The following WDFY3 variants were observed in gnomAD, a reference collection of about 807,000 sequenced individuals.
WDFY3 encodes the protein WD repeat and FYVE domain containing 3.
Under a neutral mutation model 409.6 loss-of-function variants are expected in WDFY3, and 66 were observed. That is an observed-to-expected ratio of 0.16 (90% CI 0.13 to 0.20). WDFY3 has a LOEUF of 0.20. WDFY3 is among the 10% of genes least tolerant of loss of function. WDFY3 has a pLI of 1.00. For missense variants in WDFY3, 3,031 were observed against 4,298.1 expected (o/e 0.71, Z 8.24); for synonymous variants, 1,521 against 1,537.1 (o/e 0.99, Z 0.25).
At chr4:84,797,187 T>C (rs1316101070) in intron 18 of WDFY3, among the ~76,000 whole-genome samples, 6 of 152,170 alleles carry the variant, frequency 3.9e-5, no homozygotes, top group African/African-American at 1.4e-4. Flanking sequence ...TAAAACAAAT[T>C]AGAGATAAAT....
chr4:84,737,138 T>C (rs763400727), intron 41 of WDFY3, 46 bp downstream of exon 41: 8 of 1,606,682 alleles, frequency 5.0e-6, no homozygotes, highest in Middle Eastern at 1.7e-4. Flanking sequence ...CCATATATGA[T>C]AGCCACATGT....
intron 7 of WDFY3, among the ~76,000 whole-genome samples, chr4:84,831,876 T>C (rs1374781777): frequency 6.6e-6 from 1 of 152,166 alleles, no homozygotes; most frequent in Non-Finnish European, 1.5e-5. Context: ...GGAACTCCTA[T>C]ATACTGTTGG....
intron 2 of WDFY3, among the ~76,000 whole-genome samples, chr4:84,919,265 T>C (rs906732540): frequency 6.6e-5 from 10 of 151,958 alleles, no homozygotes; most frequent in African/African-American, 2.2e-4. Flanking sequence ...TATAGATAAA[T>C]AGAAGGGCTC....
chr4:84,680,079 C>T (rs1335991581), intron 64 of WDFY3, among the ~76,000 whole-genome samples: 5 of 151,732 alleles, frequency 3.3e-5, no homozygotes, highest in Non-Finnish European at 5.9e-5. Flanking sequence ...TTAGTAGAGA[C>T]GGGGTTTCAC....
chr4:84,736,102 G>T, intron 42 of WDFY3, 68 bp downstream of exon 42: 1 of 1,452,698 alleles, frequency 6.9e-7, no homozygotes, highest in Non-Finnish European at 9.2e-7. Context: ...CCAATCAATT[G>T]CTTGTACATG....
chr4:84,933,056 C>G (rs569398414), intron 1 of WDFY3, among the ~76,000 whole-genome samples: 129 of 152,212 alleles, frequency 8.5e-4, no homozygotes, highest in Admixed American at 1.8e-3. Flanking sequence ...TCCTAAAGTT[C>G]TTTAATTCAA....
At chr4:84,794,840 A>G (rs766424954) in intron 20 of WDFY3, 39 bp downstream of exon 20, 1 of 1,538,232 alleles carries the variant, frequency 6.5e-7, no homozygotes, top group Non-Finnish European at 8.7e-7. Flanking sequence ...ATAATCTACT[A>G]GAAAAAAAAC....
chr4:84,757,266 G>C lies in WDFY3; in HGVS notation c.5189-105C>G, dbSNP rs906406038. The stretch of plus-strand genomic sequence containing the variant: ...CAGTATGTGTTAACATTTCTATCCA[G>C]AACATTCATACTACTATAGGCAATT... On this transcript the variant is annotated intron_variant, in intron 32 of 67. Coordinates refer to ENST00000295888, the MANE Select transcript of WDFY3 (RefSeq NM_014991.6). 4 of 991,670 alleles carry C rather than the reference G, an allele frequency of 4.0e-6. No individual in the cohort carries two copies. In the African/African-American group the frequency reaches 4.8e-5, roughly 12 times the overall value. The allele number at this position is 991,670 out of a possible 1,614,324, so 61.4% of individuals were successfully genotyped here.
intron 63 of WDFY3, among the ~76,000 whole-genome samples, chr4:84,683,175 CGAG>C (rs1727691910): frequency 6.6e-6 from 1 of 152,088 alleles, no homozygotes; most frequent in Non-Finnish European, 1.5e-5. Flanking sequence ...ATACCACTGT[CGAG>C]GAAGCAGACT....
At chr4:84,781,338 T>G (rs1746470994) in intron 25 of WDFY3, among the ~76,000 whole-genome samples, 2 of 151,974 alleles carry the variant, frequency 1.3e-5, no homozygotes, top group Non-Finnish European at 2.9e-5. Context: ...ATGCATATTA[T>G]ATTTCTATGT....
chr4:84,736,416 C>T (rs1737438377), intron 41 of WDFY3, 89 bp from the exon 42 acceptor site: 1 of 1,236,616 alleles, frequency 8.1e-7, no homozygotes, highest in Non-Finnish European at 1.1e-6. Context: ...TAAACTACAA[C>T]CCTGTAGTTA....
chr4:84,761,752 A>T (rs1742640462), intron 32 of WDFY3, among the ~76,000 whole-genome samples: 1 of 152,276 alleles, frequency 6.6e-6, no homozygotes, highest in East Asian at 1.9e-4. Flanking sequence ...CAACGAACTC[A>T]AACAAATTTA....
chr4:84,853,937 G>A (rs879881478), intron 4 of WDFY3, among the ~76,000 whole-genome samples: 1 of 152,114 alleles, frequency 6.6e-6, no homozygotes, highest in African/African-American at 2.4e-5. Flanking sequence ...GAATACAAAG[G>A]TAAATAAAAC....
intron 3 of WDFY3, among the ~76,000 whole-genome samples, chr4:84,868,923 C>T (rs1198680094): frequency 2.6e-5 from 4 of 152,148 alleles, no homozygotes; most frequent in Admixed American, 2.0e-4. Context: ...CAGCATTCTC[C>T]GAGTTTTTAT....
chr4:84,794,443 G>A, intron 21 of WDFY3, 76 bp downstream of exon 21: 1 of 1,357,186 alleles, frequency 7.4e-7, no homozygotes. Flanking sequence ...TTATTAGCTG[G>A]ACTTTTAAAA....
chr4:84,865,617 C>G (rs1188871718), intron 3 of WDFY3, among the ~76,000 whole-genome samples: 2 of 152,196 alleles, frequency 1.3e-5, no homozygotes, highest in South Asian at 4.1e-4. Flanking sequence ...CCACTGACTG[C>G]CCCCCAACCC....
chr4:84,732,013 C>T (rs957205795), intron 44 of WDFY3, among the ~76,000 whole-genome samples: 3 of 152,122 alleles, frequency 2.0e-5, no homozygotes, highest in Non-Finnish European at 4.4e-5. Flanking sequence ...ACTGAAAGAT[C>T]ATATTGTTGC....
At chr4:84,678,631 C>A (rs192792655) in intron 65 of WDFY3, among the ~76,000 whole-genome samples, 1 of 152,222 alleles carries the variant, frequency 6.6e-6, no homozygotes, top group African/African-American at 2.4e-5. Context: ...TAATTAGCTT[C>A]TGTGATTTAA....
chr4:84,903,677 C>T (rs1453773659), intron 2 of WDFY3, among the ~76,000 whole-genome samples: 2 of 152,084 alleles, frequency 1.3e-5, no homozygotes, highest in African/African-American at 4.8e-5. Context: ...TATTTCAAAC[C>T]AAACCTCACC....
Sources: allele counts gnomAD v4.1 joint callset (sites outside exome capture counted in the v4.1 genomes callset), GRCh38; gene constraint gnomAD v4.1.1; transcripts MANE v1.5; gene names NCBI Gene and HGNC (gene_info 2026-07-23, HGNC 2026-07-21).